Variants in RBFOX1 observed in about 807,000 individuals in gnomAD.
The protein encoded by RBFOX1 is RNA binding protein fox-1 homolog 1.
Under a neutral mutation model 57.7 loss-of-function variants are expected in RBFOX1, and 8 were observed. That is an observed-to-expected ratio of 0.14 (90% CI 0.08 to 0.25). The LOEUF (loss-of-function observed/expected upper bound fraction) is 0.25, where lower values mean the gene tolerates loss of function less well. RBFOX1 is among the 10% of genes least tolerant of loss of function. The pLI is 1.00. For synonymous variants in RBFOX1, 326 were observed against 222.4 expected (o/e 1.47, Z -4.15); for missense variants, 611 against 548.5 (o/e 1.11, Z -1.14).
At chr16:6,739,476 C>T (rs2071398800) in intron 3 of RBFOX1, among the ~76,000 whole-genome samples, 1 of 149,112 alleles carries the variant, frequency 6.7e-6, no homozygotes. Flanking sequence ...ATTTAACATC[C>T]CCCCTCCCCC....
chr16:7,618,988 C>T (rs1326501104), intron 10 of RBFOX1, among the ~76,000 whole-genome samples: 1 of 152,100 alleles, frequency 6.6e-6, no homozygotes, highest in African/African-American at 2.4e-5. Flanking sequence ...TTAATTATGC[C>T]GTATGCTACG....
At chr16:6,433,236 T>A (rs1046942218) in intron 2 of RBFOX1, among the ~76,000 whole-genome samples, 4 of 152,142 alleles carry the variant, frequency 2.6e-5, no homozygotes, top group Non-Finnish European at 5.9e-5. Context: ...GCATAGCAAA[T>A]GAGAAGTCAT....
At chr16:5,802,169 A>G (rs1206672652) in intron 3 of RBFOX1, among the ~76,000 whole-genome samples, 1 of 152,076 alleles carries the variant, frequency 6.6e-6, no homozygotes, top group Admixed American at 6.5e-5. Flanking sequence ...CATGCCCTCA[A>G]TTTTATTTGC....
chr16:6,572,226 A>T (rs1018247948), intron 2 of RBFOX1, among the ~76,000 whole-genome samples: 1 of 152,176 alleles, frequency 6.6e-6, no homozygotes, highest in Admixed American at 6.6e-5. Flanking sequence ...TTGATTTCAT[A>T]ATGTATATTT....
chr16:6,779,789 ATATATACT>A (rs1567208261), intron 3 of RBFOX1, among the ~76,000 whole-genome samples: 1 of 6,764 alleles, frequency 1.5e-4, no homozygotes, highest in African/African-American at 8.9e-4. Flanking sequence ...ATATATTTTT[ATATATACT>A]TTTATATATT....
At chr16:5,383,441 G>C (rs1047945557) in intron 1 of RBFOX1, among the ~76,000 whole-genome samples, 1 of 152,222 alleles carries the variant, frequency 6.6e-6, no homozygotes, top group Non-Finnish European at 1.5e-5. Flanking sequence ...ATTTGGGTCT[G>C]TTAGGCCTGG....
chr16:6,909,792 T>C (rs2071086470), intron 3 of RBFOX1, among the ~76,000 whole-genome samples: 1 of 152,158 alleles, frequency 6.6e-6, no homozygotes, highest in Admixed American at 6.5e-5. Flanking sequence ...CCTTATTACC[T>C]GCAGCCATCG....
intron 2 of RBFOX1, among the ~76,000 whole-genome samples, chr16:6,416,399 C>T (rs1045125201): frequency 6.6e-6 from 1 of 152,142 alleles, no homozygotes; most frequent in East Asian, 1.9e-4. Context: ...GGGGAAATGG[C>T]CACAATGATG....
intron 1 of RBFOX1, among the ~76,000 whole-genome samples, chr16:5,391,566 C>T: frequency 6.6e-6 from 1 of 152,040 alleles, no homozygotes; most frequent in African/African-American, 2.4e-5. Context: ...TTCTGTGTGC[C>T]AGTTCTGGAA....
intron 2 of RBFOX1, among the ~76,000 whole-genome samples, chr16:6,470,801 T>C (rs939947709): frequency 4.6e-5 from 7 of 152,302 alleles, no homozygotes; most frequent in African/African-American, 1.7e-4. Flanking sequence ...ATCCTTTTTT[T>C]AACACCTCCA....
At chr16:7,054,120 C>G (rs1480797732) in intron 4 of RBFOX1, among the ~76,000 whole-genome samples, 1 of 147,684 alleles carries the variant, frequency 6.8e-6, no homozygotes, top group East Asian at 2.0e-4. Context: ...TTCTTCCTTT[C>G]CTCCCTCCCT....
At chr16:6,774,535 A>G (rs1395447729) in intron 3 of RBFOX1, among the ~76,000 whole-genome samples, 1 of 152,186 alleles carries the variant, frequency 6.6e-6, no homozygotes, top group Admixed American at 6.5e-5. Context: ...TGTTCAGAGA[A>G]TTATATTTAA....
At chr16:7,552,617 T>A (rs1050888182) in intron 5 of RBFOX1, among the ~76,000 whole-genome samples, 9 of 152,208 alleles carry the variant, frequency 5.9e-5, no homozygotes, top group Non-Finnish European at 1.5e-5. Flanking sequence ...CATGACCCTA[T>A]AAGATTTATG....
intron 2 of RBFOX1, among the ~76,000 whole-genome samples, chr16:6,317,881 T>G (rs144955231): frequency 1.3e-5 from 2 of 152,182 alleles, no homozygotes; most frequent in East Asian, 3.9e-4. Flanking sequence ...AAATATTTAT[T>G]TTTCAAGATG....
At chr16:6,251,275 C>G (rs933083844) in intron 1 of RBFOX1, among the ~76,000 whole-genome samples, 1 of 152,142 alleles carries the variant, frequency 6.6e-6, no homozygotes, top group African/African-American at 2.4e-5. Flanking sequence ...GTCACATGGA[C>G]TAGGATCTGC....
intron 3 of RBFOX1, among the ~76,000 whole-genome samples, chr16:6,700,365 A>G (rs904578803): frequency 9.4e-6 from 1 of 105,892 alleles, no homozygotes; most frequent in African/African-American, 2.7e-5. Flanking sequence ...AACAAAAAAA[A>G]AAAGAATTTT....
chr16:7,057,875 G>T (rs938288013), intron 4 of RBFOX1, among the ~76,000 whole-genome samples: 6 of 152,010 alleles, frequency 3.9e-5, no homozygotes, highest in Non-Finnish European at 7.4e-5. Context: ...AGGCATGGTG[G>T]CGGGCGCCTG....
chr16:7,708,625 C>T (rs1046669160), intron 14 of RBFOX1, among the ~76,000 whole-genome samples: 3 of 152,182 alleles, frequency 2.0e-5, no homozygotes, highest in African/African-American at 7.2e-5. Context: ...CTTTCTGATT[C>T]ACCCTATTTC....
At chr16:5,824,983 A>C (rs141263375) in intron 3 of RBFOX1, among the ~76,000 whole-genome samples, 1 of 152,168 alleles carries the variant, frequency 6.6e-6, no homozygotes, top group Non-Finnish European at 1.5e-5. Flanking sequence ...CTCTTACTCC[A>C]TCAGAAAATT....
Sources: allele counts gnomAD v4.1 joint callset (sites outside exome capture counted in the v4.1 genomes callset), GRCh38; gene constraint gnomAD v4.1.1; transcripts MANE v1.5; gene names NCBI Gene and HGNC (gene_info 2026-07-23, HGNC 2026-07-21).